The following ATRN variants were observed in gnomAD, a reference collection of about 807,000 sequenced individuals.
ATRN encodes the protein attractin.
A neutral mutation model predicts 178.7 loss-of-function variants in ATRN; 54 were observed. That is an observed-to-expected ratio of 0.30 (90% CI 0.24 to 0.38). The LOEUF is 0.38. Ranked by LOEUF, ATRN falls within the 10% of genes least tolerant of loss-of-function variation. The pLI is 1.00. For synonymous variants in ATRN, 636 were observed against 663.0 expected, an observed-to-expected ratio of 0.96 and a Z score of 0.63; for missense variants, 1,443 against 1,815.1, an observed-to-expected ratio of 0.79 and a Z score of 3.73.
At chr20:3,580,269 C>T (rs1487921226) in intron 15 of ATRN, among the ~76,000 whole-genome samples, 1 of 152,152 alleles carries the variant, frequency 6.6e-6, no homozygotes, top group Non-Finnish European at 1.5e-5. Context: ...CTCGAGTCCA[C>T]AGAAGTTAAA....
At chr20:3,531,028 G>A (rs2085446705) in intron 1 of ATRN, among the ~76,000 whole-genome samples, 2 of 152,104 alleles carry the variant, frequency 1.3e-5, no homozygotes, top group Admixed American at 1.3e-4. Flanking sequence ...GCCTTTGTGT[G>A]ACTGCCAGTG....
chr20:3,471,603 A>G, intron 1 of ATRN, 86 bp downstream of exon 1: 1 of 1,343,894 alleles, frequency 7.4e-7, no homozygotes, highest in South Asian at 1.9e-5. Flanking sequence ...TCAGAGGGAG[A>G]TGCTGGACAG....
At chr20:3,596,238 T>C in intron 20 of ATRN, 139 bp from the exon 21 acceptor site, 1 of 840,242 alleles carries the variant, frequency 1.2e-6, no homozygotes, top group Non-Finnish European at 1.9e-6. Context: ...CTAGACTGCC[T>C]GAGCTGAGTT....
intron 18 of ATRN, among the ~76,000 whole-genome samples, chr20:3,586,222 A>C (rs1230597905): frequency 6.6e-6 from 1 of 152,246 alleles, no homozygotes; most frequent in Non-Finnish European, 1.5e-5. Flanking sequence ...AAAGTGTTGT[A>C]TATTCATACA....
Position 3,638,998 on chromosome 20 carries a change from G to A in ATRN, c.4050+63G>A, listed in dbSNP as rs188344062. 366 of 1,333,908 alleles carry A rather than the reference G, an allele frequency of 2.7e-4. 2 individuals carry two copies. The African/African-American group carries it at 4.8e-3, about 17-fold the overall frequency. The allele number at this position is 1,333,908 out of a possible 1,614,324, so 82.6% of individuals were successfully genotyped here. ...TTTAAAACTTAGGCTCCTAAGTCTGGGAAACCAGAGAGAGCAAAAGCCCTA... is the reference window on the plus strand; with the variant it reads ...TTTAAAACTTAGGCTCCTAAGTCTGAGAAACCAGAGAGAGCAAAAGCCCTA... On this transcript the variant is annotated intron_variant, in intron 27 of 28. Coordinates refer to ENST00000262919, the MANE Select transcript of ATRN (RefSeq NM_139321.3). The surrounding 1 kb of genome is among the most constrained non-coding windows in gnomAD (Gnocchi z 4.5).
chr20:3,532,787 G>T (rs2085471660), intron 1 of ATRN, among the ~76,000 whole-genome samples: 1 of 151,270 alleles, frequency 6.6e-6, no homozygotes, highest in Non-Finnish European at 1.5e-5. Flanking sequence ...TTTTGAGACA[G>T]AGTCTCACTC....
chr20:3,547,782 A>T (rs2085727892), intron 5 of ATRN, among the ~76,000 whole-genome samples: 1 of 152,156 alleles, frequency 6.6e-6, no homozygotes, highest in South Asian at 2.1e-4. Context: ...AAGCTGGGAG[A>T]TGGGACAAGA....
chr20:3,544,832 T>G lies in ATRN; in HGVS notation c.609-930T>G, dbSNP rs146000726. 6.9e-3 allele frequency among the ~76,000 whole-genome samples: 1,053 copies of G among 151,712 alleles called. 15 individuals carry two copies. Among genetic ancestry groups the G allele is most frequent in the African/African-American group, 0.024 (991 of 41,368 alleles). On this transcript the variant is annotated intron_variant, in intron 3 of 28. Coordinates refer to ENST00000262919, the MANE Select transcript of ATRN (RefSeq NM_139321.3). ...GACCCTTTTACTCAGTAAGGTTTTT[T>G]TTTTTTTTTTTACCAGTCACACAAC...
chr20:3,535,245 A>C lies in ATRN; in HGVS notation c.411-8A>C. 7.0e-7 allele frequency: 1 copy of C among 1,428,384 alleles called. No homozygotes were observed. Among genetic ancestry groups the C allele is most frequent in the Non-Finnish European group, 9.3e-7 (1 of 1,071,906 alleles). 88.5% of individuals were successfully genotyped at this position (1,428,384 alleles called of 1,614,324 possible). On this transcript the variant is annotated splice_region_variant and splice_polypyrimidine_tract_variant and intron_variant, in intron 1 of 28. Transcript: ENST00000262919. ...GACTTAAGTTTTCTTTCTTGATTTAAATTACAGACTAACTGGATCTTCTGG... is the reference window on the plus strand; with the variant it reads ...GACTTAAGTTTTCTTTCTTGATTTACATTACAGACTAACTGGATCTTCTGG...
intron 24 of ATRN, among the ~76,000 whole-genome samples, chr20:3,607,570 GAAT>G (rs2086692642): frequency 6.6e-6 from 1 of 152,110 alleles, no homozygotes; most frequent in Non-Finnish European, 1.5e-5. Context: ...TTTTGTGACT[GAAT>G]AATATTTCAT....
rs751333971 is a variant in ATRN at position 3,584,715 on chromosome 20, G to T, written c.3019G>T (p.Asp1007Tyr). Reference protein sequence around the residue: ...LEQPGCGWCTDPSNTGKGKCI... With the variant: ...LEQPGCGWCTYPSNTGKGKCI... ...GCAACCAGGCTGTGGCTGGTGTACTGATCCCAGCAATACTGGCAAAGGGAA... is the reference window on the plus strand; with the variant it reads ...GCAACCAGGCTGTGGCTGGTGTACTTATCCCAGCAATACTGGCAAAGGGAA... The change falls in exon 18 of 29, where the codon GAT becomes TAT. Residue 1007 changes from aspartate to tyrosine, a missense_variant. Asp to Tyr is a radical substitution (Grantham distance 160). Around this residue, in one of 4 missense-constraint regions of ATRN, gnomAD observed 212 missense variants for 330.7 expected, o/e 0.64. Coordinates refer to ENST00000262919, the MANE Select transcript of ATRN (RefSeq NM_139321.3). 1 of 1,613,922 alleles carries T rather than the reference G, an allele frequency of 6.2e-7. No homozygotes were observed. The highest frequency in any genetic ancestry group is 1.1e-5 in the South Asian group (1 of 91,072).
chr20:3,560,819 T>G lies in ATRN; in HGVS notation c.1361T>G (p.Leu454Arg), dbSNP rs761368049. 44 of 1,614,064 alleles carry G rather than the reference T, an allele frequency of 2.7e-5. No homozygotes were observed. The highest frequency in any genetic ancestry group is 3.7e-5 in the Non-Finnish European group (44 of 1,180,032). The change falls in exon 8 of 29, where the codon CTG becomes CGG. Residue 454 changes from leucine to arginine, a missense_variant. This residue lies in a region of ATRN where 862 missense variants were observed against 972.1 expected (regional missense o/e 0.89). Transcript: ENST00000262919. ...GGGCACTCTGCACACATTGTTACAC[T>G]GAAGAATGGCCGAGTGGTCATGCTG... is the stretch of plus-strand genomic sequence containing the variant. Reference protein sequence around the residue: ...VVGHSAHIVTLKNGRVVMLVI... With the variant: ...VVGHSAHIVTRKNGRVVMLVI...
intron 23 of ATRN, among the ~76,000 whole-genome samples, chr20:3,601,720 C>G (rs1282950810): frequency 7.2e-6 from 1 of 138,118 alleles, no homozygotes; most frequent in Non-Finnish European, 1.5e-5. Context: ...AAAAAAAACC[C>G]AGGTGTAGTG....
intron 11 of ATRN, 115 bp from the exon 12 acceptor site, chr20:3,572,616 A>C: frequency 1.1e-6 from 1 of 884,154 alleles, no homozygotes; most frequent in Non-Finnish European, 1.7e-6. Flanking sequence ...CAGGAGTTTG[A>C]GACTAGCCTG....
intron 27 of ATRN, among the ~76,000 whole-genome samples, chr20:3,641,588 CGCAAAAAAAAAAAA>C (rs1448444630): frequency 3.6e-5 from 1 of 28,066 alleles, no homozygotes; most frequent in African/African-American, 3.2e-4. Context: ...AAGACTCTGT[CGCAAAAAAAAAAAA>C]AAAAAAAAAA....
At chr20:3,503,896 A>G (rs914362020) in intron 1 of ATRN, among the ~76,000 whole-genome samples, 2 of 152,208 alleles carry the variant, frequency 1.3e-5, no homozygotes, top group African/African-American at 4.8e-5. Context: ...CCAGTGAAAC[A>G]CCAAGATACA....
At chr20:3,571,519 G>T (rs1011594922) in intron 11 of ATRN, among the ~76,000 whole-genome samples, 8 of 150,046 alleles carry the variant, frequency 5.3e-5, no homozygotes, top group African/African-American at 2.0e-4. Context: ...AGTGCCTTTT[G>T]CCCCATAGTC....
chr20:3,628,137 A>G (rs2086958709), intron 25 of ATRN, among the ~76,000 whole-genome samples: 1 of 152,214 alleles, frequency 6.6e-6, no homozygotes, highest in Non-Finnish European at 1.5e-5. Context: ...GCGCCACTGC[A>G]CTCCAACCTG....
intron 1 of ATRN, among the ~76,000 whole-genome samples, chr20:3,513,737 CT>C (rs2085168412): frequency 6.6e-6 from 1 of 152,104 alleles, no homozygotes; most frequent in South Asian, 2.1e-4. Flanking sequence ...ATGGAATGTT[CT>C]TCCATTTGTT....
Sources: gnomAD v4.1 joint callset for allele counts (sites outside exome capture counted in the v4.1 genomes callset) on GRCh38, gnomAD v4.1.1 for gene constraint, gnomAD v4.1.1 regional missense constraint, Gnocchi (gnomAD v3.1) non-coding constraint, MANE v1.5 for transcripts, NCBI Gene and HGNC (gene_info 2026-07-23, HGNC 2026-07-21) for gene names.